The following KIF13A variants were observed in gnomAD, a reference collection of about 807,000 sequenced individuals.
KIF13A encodes kinesin-like protein KIF13A.
KIF13A carries 79 observed loss-of-function variants against 212.2 expected under a neutral mutation model. The observed-to-expected ratio is 0.37, with a 90% confidence interval of 0.31 to 0.45. KIF13A has a LOEUF of 0.45. Among genes scored for constraint, KIF13A ranks in the 20% least tolerant of loss-of-function variants. The pLI is 1.00. For missense variants in KIF13A, 1,901 were observed against 2,209.0 expected (o/e 0.86, Z 2.79); for synonymous variants, 789 against 808.6 (o/e 0.98, Z 0.41).
At chr6:17,969,107 G>C (rs74627888) in intron 2 of KIF13A, among the ~76,000 whole-genome samples, 2,933 of 152,306 alleles carry the variant, frequency 0.019, 42 homozygotes, top group Non-Finnish European at 0.031. Context: ...TATGTACAAG[G>C]CATGTGCCAG....
rs1775548654 is a variant in KIF13A at position 17,926,960 on chromosome 6, A to G, written c.147-28780T>C. ...CGAGACCAGCTGCGCCAACATGGTG[A>G]AACCTCATCTCTACTAAAAATACAA... On this transcript the variant is annotated intron_variant, in intron 2 of 38. Transcript: ENST00000259711. The surrounding 1 kb of genome is among the most constrained non-coding windows in gnomAD (Gnocchi z 4.3). Among the ~76,000 whole-genome samples the G allele has an allele frequency of 2.6e-5, 4 of 152,068 alleles. No homozygotes were observed. Among genetic ancestry groups the G allele is most frequent in the Non-Finnish European group, 5.9e-5 (4 of 68,002 alleles).
At chr6:17,781,329 C>A in intron 29 of KIF13A, 28 bp from the exon 30 acceptor site, 1 of 1,533,818 alleles carries the variant, frequency 6.5e-7, no homozygotes, top group Admixed American at 2.3e-5. Flanking sequence ...ACAGAAAAAA[C>A]AGTAGGGGAA....
chr6:17,774,665 C>T (rs931290564), intron 35 of KIF13A, among the ~76,000 whole-genome samples: 3 of 151,644 alleles, frequency 2.0e-5, no homozygotes, highest in African/African-American at 4.9e-5. Context: ...CCCAGCTACT[C>T]GGGAGGCTGA....
rs867469592 is a variant in KIF13A, at chr6:17,794,123, G to A, written c.3222+126C>T. On this transcript the variant is annotated intron_variant, in intron 25 of 38. Coordinates refer to ENST00000259711, the MANE Select transcript of KIF13A (RefSeq NM_022113.6). The surrounding 1 kb of genome is among the most constrained non-coding windows in gnomAD (Gnocchi z 4.1). ...TAAAGCTAGAAAAAAGGCAATGGAT[G>A]GAAATGTGAACTGGGGGAAGATCTA... The A allele has an allele frequency of 9.6e-5, 64 of 663,346 alleles. No homozygotes were observed. In the African/African-American group the frequency reaches 9.9e-4, roughly 10 times the overall value. 41.1% of individuals were successfully genotyped at this position (663,346 alleles called of 1,614,324 possible).
intron 2 of KIF13A, among the ~76,000 whole-genome samples, chr6:17,929,621 C>A (rs1308666056): frequency 1.3e-5 from 2 of 152,060 alleles, no homozygotes; most frequent in Non-Finnish European, 2.9e-5. Context: ...AGCATGGTCT[C>A]GACCTCCTGA....
intron 20 of KIF13A, among the ~76,000 whole-genome samples, chr6:17,803,600 G>A (rs1260539974): frequency 6.6e-6 from 1 of 152,076 alleles, no homozygotes; most frequent in Non-Finnish European, 1.5e-5. Flanking sequence ...TTAAAAGGAG[G>A]GTAACAATGA....
rs185760791 is a variant in KIF13A at position 17,856,276 on chromosome 6, T to C, written c.221-154A>G. ...AGGGCTGTGTATTAAGAGCTTGATA[T>C]ATGCAATTTCATCCACACTTCTAAA... On this transcript the variant is annotated intron_variant, in intron 4 of 38. Coordinates refer to ENST00000259711, the MANE Select transcript of KIF13A (RefSeq NM_022113.6). This position sits in a 1 kb window ranked among gnomAD's most constrained non-coding sequence, Gnocchi z 4.5. 1.2e-4 allele frequency among the ~76,000 whole-genome samples: 19 copies of C among 152,346 alleles called. No homozygotes were observed. The highest frequency in any genetic ancestry group is 2.4e-4 in the African/African-American group (10 of 41,580).
intron 2 of KIF13A, among the ~76,000 whole-genome samples, chr6:17,922,608 TAAAA>T (rs11285603): frequency 1.4e-5 from 2 of 145,224 alleles, no homozygotes; most frequent in Non-Finnish European, 3.0e-5. Flanking sequence ...ATGAAAAACT[TAAAA>T]AAAAAAAAAA....
chr6:17,862,091 T>C (rs1227052587), intron 4 of KIF13A, among the ~76,000 whole-genome samples: 1 of 152,136 alleles, frequency 6.6e-6, no homozygotes, highest in African/African-American at 2.4e-5. Context: ...TCACAGCTTA[T>C]GGCAGCTTCA....
In KIF13A at chr6:17,820,907, A is replaced by G. The variant is rs557586002; in HGVS notation, c.1787-3674T>C. 5.9e-5 allele frequency among the ~76,000 whole-genome samples: 9 copies of G among 152,366 alleles called. No individual in the cohort carries two copies. The East Asian group carries it at 1.7e-3, about 29-fold the overall frequency. On this transcript the variant is annotated intron_variant, in intron 16 of 38. Transcript: ENST00000259711. ...AGAATTAGAATTAATTAACACCAAA[A>G]TGTCTAAAAAACTGAATTGAGGGGA...
chr6:17,958,876 CTTTTTTTTTTTTTTTTT>C (rs398000716), intron 2 of KIF13A, among the ~76,000 whole-genome samples: 2 of 83,082 alleles, frequency 2.4e-5, no homozygotes, highest in Non-Finnish European at 4.5e-5. Context: ...TTTTCTTTTT[CTTTTTTTTTTTTTTTTT>C]TTTTTTGAGA....
chr6:17,950,757 C>G lies in KIF13A; in HGVS notation c.146+36297G>C, dbSNP rs1240585624. On this transcript the variant is annotated intron_variant, in intron 2 of 38. Coordinates refer to ENST00000259711, the MANE Select transcript of KIF13A (RefSeq NM_022113.6). ...TACTCAAAAGATACTTAGAAATAAC[C>G]CTTATCCACCCAACTAGAAAAATCT... is the stretch of plus-strand genomic sequence containing the variant. 5 of 980,486 alleles carry G rather than the reference C, an allele frequency of 5.1e-6. No homozygotes were observed. In the African/African-American group the frequency reaches 5.3e-5, roughly 10 times the overall value. The allele number at this position is 980,486 out of a possible 1,614,324, so 60.7% of individuals were successfully genotyped here. A position where few individuals can be genotyped will look rare whatever the true frequency, so the allele number is the denominator to read the frequency against.
chr6:17,823,129 C>T (rs138916753), intron 16 of KIF13A, among the ~76,000 whole-genome samples: 3,862 of 151,932 alleles, frequency 0.025, 75 homozygotes, highest in Non-Finnish European at 0.04. Flanking sequence ...CTCCACCTCC[C>T]GGGTTCAAGC....
chr6:17,800,527 C>T (rs575401953), intron 20 of KIF13A, among the ~76,000 whole-genome samples: 36 of 151,760 alleles, frequency 2.4e-4, no homozygotes, highest in Non-Finnish European at 4.4e-4. Flanking sequence ...ACCTCTGCCT[C>T]CTGAGTTCAA....
chr6:17,896,709 A>G (rs1772599732), intron 3 of KIF13A, among the ~76,000 whole-genome samples: 1 of 152,224 alleles, frequency 6.6e-6, no homozygotes, highest in African/African-American at 2.4e-5. Flanking sequence ...TACTCACTAG[A>G]AAGTGACAAG....
At chr6:17,920,598 G>A (rs549839069) in intron 2 of KIF13A, among the ~76,000 whole-genome samples, 2 of 152,254 alleles carry the variant, frequency 1.3e-5, no homozygotes, top group East Asian at 1.9e-4. Context: ...ATGCGGCTGG[G>A]TGCGGTGGCT....
At chr6:17,916,044 G>T (rs1265047074) in intron 2 of KIF13A, among the ~76,000 whole-genome samples, 1 of 152,170 alleles carries the variant, frequency 6.6e-6, no homozygotes, top group African/African-American at 2.4e-5. Context: ...AACTGGGCAG[G>T]ATGGCGTTTC....
intron 2 of KIF13A, among the ~76,000 whole-genome samples, chr6:17,958,444 A>C (rs372412013): frequency 4.6e-5 from 7 of 152,244 alleles, no homozygotes; most frequent in African/African-American, 1.7e-4. Context: ...CAAACTTCTG[A>C]GTAACTGAAA....
At chr6:17,891,286 C>T (rs1165503237) in intron 3 of KIF13A, among the ~76,000 whole-genome samples, 1 of 152,138 alleles carries the variant, frequency 6.6e-6, no homozygotes, top group African/African-American at 2.4e-5. Context: ...CAAAATGTAA[C>T]ATTTATCAAA....
Sources: gnomAD v4.1 joint callset for allele counts (sites outside exome capture counted in the v4.1 genomes callset) on GRCh38, gnomAD v4.1.1 for gene constraint, Gnocchi (gnomAD v3.1) non-coding constraint, MANE v1.5 for transcripts, NCBI Gene and HGNC (gene_info 2026-07-23, HGNC 2026-07-21) for gene names.